MALRD1: variants seen among roughly 807,000 people sequenced by gnomAD.
MALRD1 encodes MAM and LDL-receptor class A domain-containing protein 1.
A neutral mutation model predicts 242.1 loss-of-function variants in MALRD1; 247 were observed. The observed-to-expected ratio is 1.02, with a 90% CI of 0.92 to 1.13. The LOEUF is 1.13. Ranked by LOEUF, MALRD1 falls within the 50% of genes most tolerant of loss-of-function variation. MALRD1 has a pLI of 0.00. For missense variants in MALRD1, 2,989 were observed against 2,533.1 expected, an observed-to-expected ratio of 1.18 and a Z score of -3.86; for synonymous variants, 995 against 866.6, an observed-to-expected ratio of 1.15 and a Z score of -2.60.
intron 32 of MALRD1, among the ~76,000 whole-genome samples, chr10:19,533,282 C>T (rs1834509515): frequency 6.6e-6 from 1 of 152,088 alleles, no homozygotes; most frequent in Non-Finnish European, 1.5e-5. Flanking sequence ...TTTCTGATAC[C>T]TGACTTTGGT....
intron 21 of MALRD1, among the ~76,000 whole-genome samples, chr10:19,315,855 A>T (rs1460236477): frequency 1.4e-5 from 2 of 146,868 alleles, no homozygotes; most frequent in South Asian, 2.1e-4. Flanking sequence ...TTTATTATTT[A>T]TAATGTTTAC....
intron 34 of MALRD1, among the ~76,000 whole-genome samples, chr10:19,599,247 T>A (rs1838242074): frequency 6.6e-6 from 1 of 152,080 alleles, no homozygotes; most frequent in Admixed American, 6.6e-5. Flanking sequence ...GACAGGGAAA[T>A]CGATAATAAT....
intron 18 of MALRD1, among the ~76,000 whole-genome samples, chr10:19,235,133 C>T (rs1273726264): frequency 6.6e-6 from 1 of 152,134 alleles, no homozygotes; most frequent in Non-Finnish European, 1.5e-5. Context: ...ATGGGAGTCA[C>T]TGAAGGTTTC....
chr10:19,066,805 A>G lies in MALRD1; in HGVS notation c.286A>G (p.Ser96Gly), dbSNP rs760640308. Residue 96 changes from serine to glycine, a missense_variant, in exon 2 of 40, where the codon AGT becomes GGT. Coordinates refer to ENST00000454679, the MANE Select transcript of MALRD1 (RefSeq NM_001142308.3). ...QSLQPSWTKRSGMIGLSPPFY... is the reference protein window; with the variant it reads ...QSLQPSWTKRGGMIGLSPPFY... ...TCTGCAACCTAGTTGGACAAAGAGA[A>G]GTGGGATGATTGGTCTATCACCTCC... is the stretch of plus-strand genomic sequence containing the variant. 2.2e-5 allele frequency: 27 copies of G among 1,233,658 alleles called. No homozygotes were observed. Among genetic ancestry groups the G allele is most frequent in the Non-Finnish European group, 2.7e-5 (27 of 988,070 alleles). 76.4% of individuals were successfully genotyped at this position (1,233,658 alleles called of 1,614,324 possible). A position where few individuals can be genotyped will look rare whatever the true frequency, so the allele number is the denominator to read the frequency against.
chr10:19,161,726 T>C (rs1435832974), intron 12 of MALRD1, among the ~76,000 whole-genome samples: 2 of 152,008 alleles, frequency 1.3e-5, no homozygotes, highest in East Asian at 3.9e-4. Flanking sequence ...ATAGAGCTAT[T>C]GAGCATTTAA....
intron 31 of MALRD1, among the ~76,000 whole-genome samples, chr10:19,519,758 C>T (rs1833795052): frequency 6.6e-6 from 1 of 152,054 alleles, no homozygotes; most frequent in African/African-American, 2.4e-5. Flanking sequence ...AGCTAGGTGC[C>T]TTCTCAAACA....
intron 12 of MALRD1, 145 bp from the exon 13 acceptor site, chr10:19,165,492 A>G (rs1588638141): frequency 2.1e-6 from 1 of 486,886 alleles, no homozygotes; most frequent in African/African-American, 2.0e-5. Context: ...ATTAGTAGAG[A>G]TGGTGTTTCA....
Position 19,048,946 on chromosome 10 carries a change from T to C in MALRD1, c.8T>C (p.Phe3Ser). 3.2e-6 allele frequency: 4 copies of C among 1,233,918 alleles called. No homozygotes were observed. The highest frequency in any genetic ancestry group is 4.0e-6 in the Non-Finnish European group (4 of 988,124). 76.4% of individuals were successfully genotyped at this position (1,233,918 alleles called of 1,614,324 possible). ML[F>S]FLDRMLAFPM... ...AATAGACAATACCAAGTAATGCTCT[T>C]CTTCCTGGACAGAATGTTGGCATTC... The change falls in exon 1 of 40, where the codon TTC becomes TCC. Residue 3 changes from phenylalanine to serine, a missense_variant. Coordinates refer to ENST00000454679, the MANE Select transcript of MALRD1 (RefSeq NM_001142308.3).
Position 19,280,218 on chromosome 10 carries a change from C to T in MALRD1, c.3251C>T (p.Ser1084Phe). The change falls in exon 20 of 40, where the codon TCC (serine) becomes TTC (phenylalanine). Residue 1084 changes from serine to phenylalanine, a missense_variant. By Grantham distance (155) the Ser-to-Phe change is radical. Coordinates refer to ENST00000454679, the MANE Select transcript of MALRD1 (RefSeq NM_001142308.3). Reference sequence around the variant, plus strand: ...TGCCCTGACAAATCAGATGAAGCATCCTGTGGTAGGTGGATTCTTAAAATT... The same window carrying T: ...TGCCCTGACAAATCAGATGAAGCATTCTGTGGTAGGTGGATTCTTAAAATT... The part of the protein sequence containing the change: ...YDCPDKSDEA[S>F]CVMEVCSFEK... 6.7e-7 allele frequency: 1 copy of T among 1,499,614 alleles called. No individual in the cohort carries two copies. The highest frequency in any genetic ancestry group is 2.6e-5 in the Admixed American group (1 of 39,166). 92.9% of individuals were successfully genotyped at this position (1,499,614 alleles called of 1,614,324 possible). A position where few individuals can be genotyped will look rare whatever the true frequency, so the allele number is the denominator to read the frequency against.
At chr10:19,596,281 CCTTA>C (rs1167512046) in intron 34 of MALRD1, among the ~76,000 whole-genome samples, 1 of 152,084 alleles carries the variant, frequency 6.6e-6, no homozygotes, top group Non-Finnish European at 1.5e-5. Context: ...TTGTTTGCTT[CCTTA>C]CTTATTTTAT....
intron 31 of MALRD1, among the ~76,000 whole-genome samples, chr10:19,518,943 C>T (rs1321391903): frequency 5.3e-5 from 8 of 152,274 alleles, no homozygotes; most frequent in East Asian, 1.9e-4. Context: ...ATGAATTAGA[C>T]AGCATTATCC....
At chr10:19,451,706 T>TC (rs965881297) in intron 29 of MALRD1, among the ~76,000 whole-genome samples, 3 of 152,130 alleles carry the variant, frequency 2.0e-5, no homozygotes, top group Non-Finnish European at 4.4e-5. Context: ...TTGGTTTTTT[T>TC]GTAGTGTTAC....
intron 2 of MALRD1, 114 bp downstream of exon 2, chr10:19,066,973 T>TA: frequency 1.4e-6 from 1 of 721,872 alleles, no homozygotes; most frequent in Non-Finnish European, 1.9e-6. Context: ...ACCACATGTT[T>TA]AATTAGGGAA....
intron 36 of MALRD1, among the ~76,000 whole-genome samples, chr10:19,639,110 A>G (rs2131673145): frequency 1.3e-5 from 2 of 152,312 alleles, no homozygotes; most frequent in Admixed American, 1.3e-4. Context: ...ATGTAGAAAC[A>G]CATATGGGTT....
intron 36 of MALRD1, among the ~76,000 whole-genome samples, chr10:19,672,784 C>T (rs1028908462): frequency 6.6e-6 from 1 of 151,934 alleles, no homozygotes; most frequent in Non-Finnish European, 1.5e-5. Flanking sequence ...GTACATATAA[C>T]CTGAGAATTA....
intron 29 of MALRD1, among the ~76,000 whole-genome samples, chr10:19,475,206 G>A (rs1836674600): frequency 1.3e-5 from 2 of 152,138 alleles, no homozygotes; most frequent in Admixed American, 1.3e-4. Context: ...ACGAGGTCAG[G>A]AGATCGAGAC....
At chr10:19,679,007 A>G (rs1291573987) in intron 36 of MALRD1, among the ~76,000 whole-genome samples, 1 of 152,102 alleles carries the variant, frequency 6.6e-6, no homozygotes, top group Non-Finnish European at 1.5e-5. Context: ...GGTTGAAGCC[A>G]CCTTGATCAT....
Position 19,204,345 on chromosome 10 carries a change from G to C in MALRD1, c.2142G>C (p.Leu714Phe). Residue 714 changes from leucine to phenylalanine, a missense_variant, in exon 16 of 40, where the codon TTG (leucine) becomes TTC (phenylalanine). Transcript: ENST00000454679. ...TCATTCTGAAGAAAAGCAGCAGCTT[G>C]TGGCAAGTTGCTAAGCTTCAGAGCC... is the stretch of plus-strand genomic sequence containing the variant. Reference protein sequence around the residue: ...FMFILKKSSSLWQVAKLQSPT... With the variant: ...FMFILKKSSSFWQVAKLQSPT... 1 of 1,528,342 alleles carries C rather than the reference G, an allele frequency of 6.5e-7. No homozygotes were observed. Among genetic ancestry groups the C allele is most frequent in the Non-Finnish European group, 8.8e-7 (1 of 1,136,152 alleles). The allele number at this position is 1,528,342 out of a possible 1,614,324, so 94.7% of individuals were successfully genotyped here. A position where few individuals can be genotyped will look rare whatever the true frequency, so the allele number is the denominator to read the frequency against.
At position 19,489,567 on chromosome 10, in the gene MALRD1, G is replaced by A. The variant is rs1589149273; in HGVS notation, c.5030-1950G>A. Among the ~76,000 whole-genome samples the A allele has an allele frequency of 2.0e-5, 3 of 152,174 alleles. No individual in the cohort carries two copies. In the South Asian group the frequency reaches 6.2e-4, roughly 32 times the overall value. On this transcript the variant is annotated intron_variant, in intron 29 of 39. Transcript: ENST00000454679. ...CTCATCCTATTTTTTAAGTGTAAATGCTTTTTTTTAAGAGGTGAAATCATT... is the reference window on the plus strand; with the variant it reads ...CTCATCCTATTTTTTAAGTGTAAATACTTTTTTTTAAGAGGTGAAATCATT...
Sources: gnomAD v4.1 joint callset for allele counts (sites outside exome capture counted in the v4.1 genomes callset) on GRCh38, gnomAD v4.1.1 for gene constraint, MANE v1.5 for transcripts, NCBI Gene and HGNC (gene_info 2026-07-23, HGNC 2026-07-21) for gene names.